MRPS28: variants seen among roughly 807,000 people sequenced by gnomAD.
The protein encoded by MRPS28 is small ribosomal subunit protein bS1m.
MRPS28 carries 7 observed loss-of-function variants against 10.8 expected under a neutral mutation model. The ratio of observed to expected loss-of-function variants is 0.65; its 90% CI spans 0.37 to 1.22. The LOEUF (loss-of-function observed/expected upper bound fraction) is 1.22. Ranked by LOEUF, MRPS28 falls within the 50% of genes most tolerant of loss-of-function variation. The pLI, the probability that MRPS28 is intolerant of heterozygous loss-of-function variation, is 0.02. For synonymous variants in MRPS28, 121 were observed against 93.3 expected, an observed-to-expected ratio of 1.30 and a Z score of -1.71; for missense variants, 265 against 232.9, an observed-to-expected ratio of 1.14 and a Z score of -0.90.
intron 2 of MRPS28, chr8:79,958,558 T>C: frequency 1.8e-6 from 1 of 568,666 alleles, no homozygotes; most frequent in African/African-American, 1.9e-5. Context: ...AGAAAGAGAG[T>C]CACTAATTGA....
chr8:79,997,518 G>C (rs1808532458), intron 2 of MRPS28, among the ~76,000 whole-genome samples: 1 of 151,392 alleles, frequency 6.6e-6, no homozygotes, highest in Admixed American at 6.6e-5. Context: ...TATAATTTTT[G>C]TTTCAATCTA....
chr8:80,018,573 T>C (rs146204444), intron 1 of MRPS28, among the ~76,000 whole-genome samples: 2 of 152,158 alleles, frequency 1.3e-5, no homozygotes, highest in Non-Finnish European at 2.9e-5. Flanking sequence ...AAAAACAGTT[T>C]GAAGTTCCAC....
intron 2 of MRPS28, among the ~76,000 whole-genome samples, chr8:79,936,916 A>T (rs1806618954): frequency 6.6e-6 from 1 of 152,128 alleles, no homozygotes; most frequent in Admixed American, 6.5e-5. Flanking sequence ...GCTGGGGTGC[A>T]GTGGTGCTAT....
At chr8:79,932,703 G>C (rs1418153598) in intron 2 of MRPS28, among the ~76,000 whole-genome samples, 4 of 152,196 alleles carry the variant, frequency 2.6e-5, no homozygotes, top group African/African-American at 7.2e-5. Context: ...TGGGCAGGGA[G>C]GGTGAAGTGC....
At chr8:80,001,224 A>G (rs1001655958) in intron 2 of MRPS28, among the ~76,000 whole-genome samples, 3 of 152,334 alleles carry the variant, frequency 2.0e-5, no homozygotes, top group East Asian at 3.9e-4. Flanking sequence ...TAGATGATCA[A>G]TTGTAAGGAG....
intron 2 of MRPS28, among the ~76,000 whole-genome samples, chr8:79,978,272 T>C (rs1389414053): frequency 6.6e-6 from 1 of 152,218 alleles, no homozygotes; most frequent in African/African-American, 2.4e-5. Flanking sequence ...TTAATGTTTT[T>C]TAATTCTTTT....
chr8:79,970,711 T>C (rs1334315442), intron 2 of MRPS28, among the ~76,000 whole-genome samples: 2 of 152,164 alleles, frequency 1.3e-5, no homozygotes, highest in Non-Finnish European at 2.9e-5. Context: ...CTACAGTGGG[T>C]GGCATGAAAC....
intron 2 of MRPS28, among the ~76,000 whole-genome samples, chr8:79,934,480 ATTCAAT>A (rs1806552739): frequency 6.6e-6 from 1 of 152,228 alleles, no homozygotes; most frequent in Admixed American, 6.5e-5. Flanking sequence ...ACTAAAAAAC[ATTCAAT>A]TTCAATCCTT....
chr8:80,006,230 T>C (rs1045434511), intron 1 of MRPS28, among the ~76,000 whole-genome samples: 3 of 152,160 alleles, frequency 2.0e-5, no homozygotes, highest in African/African-American at 7.2e-5. Context: ...ACCACGTAGT[T>C]GGAAGTAAAG....
chr8:79,937,860 C>T (rs1326578779), intron 2 of MRPS28, among the ~76,000 whole-genome samples: 2 of 152,144 alleles, frequency 1.3e-5, no homozygotes, highest in Non-Finnish European at 2.9e-5. Context: ...TTAAGTGACA[C>T]CAGCTCACTA....
At chr8:79,975,803 C>G (rs907519075) in intron 2 of MRPS28, among the ~76,000 whole-genome samples, 5 of 152,148 alleles carry the variant, frequency 3.3e-5, no homozygotes, top group African/African-American at 1.2e-4. Flanking sequence ...CCAACCTATC[C>G]AGTTCCTCCA....
At chr8:79,943,183 T>G (rs997058199) in intron 2 of MRPS28, among the ~76,000 whole-genome samples, 27 of 152,368 alleles carry the variant, frequency 1.8e-4, no homozygotes, top group African/African-American at 6.3e-4. Context: ...CTGCCTTGCC[T>G]GTCCTTACAG....
At chr8:79,952,308 A>G (rs1807099662) in intron 2 of MRPS28, among the ~76,000 whole-genome samples, 5 of 152,206 alleles carry the variant, frequency 3.3e-5, no homozygotes. Context: ...TATTAGAAAG[A>G]AAATGAAGTT....
At chr8:79,979,043 T>C (rs1807878319) in intron 2 of MRPS28, among the ~76,000 whole-genome samples, 1 of 152,220 alleles carries the variant, frequency 6.6e-6, no homozygotes, top group Non-Finnish European at 1.5e-5. Flanking sequence ...ACACATAACC[T>C]ATACTTTCAA....
chr8:79,996,458 T>C (rs1808503932), intron 2 of MRPS28, among the ~76,000 whole-genome samples: 1 of 152,238 alleles, frequency 6.6e-6, no homozygotes, highest in Admixed American at 6.5e-5. Flanking sequence ...CTCATAGTTC[T>C]AGAGGCTGGA....
intron 2 of MRPS28, among the ~76,000 whole-genome samples, chr8:79,982,692 G>C (rs1162510420): frequency 6.6e-6 from 1 of 152,218 alleles, no homozygotes; most frequent in Non-Finnish European, 1.5e-5. Context: ...CAAACTGCAA[G>C]GCGGCAGCGA....
At position 79,976,986 on chromosome 8, in the gene MRPS28, G is replaced by GT. The variant is rs200894381; in HGVS notation, c.395+26012dup. Among the ~76,000 whole-genome samples, 1,315 of 152,186 alleles carry GT rather than the reference G, an allele frequency of 8.6e-3. 26 individuals are homozygous for GT. Among genetic ancestry groups the GT allele is most frequent in the African/African-American group, 0.03 (1,252 of 41,514 alleles). On this transcript the variant is annotated intron_variant, in intron 2 of 2. Transcript: ENST00000276585. ...AGAGATGTTCCAGACTGTGTCATTT[G>GT]TAAGAGTGAAAAAGTAGTAACAACC...
chr8:80,013,634 C>CAAAAA (rs5892700), intron 1 of MRPS28, among the ~76,000 whole-genome samples: 304 of 74,872 alleles, frequency 4.1e-3, no homozygotes, highest in Middle Eastern at 8.9e-3. Context: ...GACTCCATCT[C>CAAAAA]AAAAAAAAAA....
Position 80,030,062 on chromosome 8 carries a change from G to C in MRPS28, c.187C>G (p.Leu63Val). Reference sequence around the variant, plus strand: ...TTCTGTAGGGGCTCCACCTTCTGTAGAAGCTCCGAGTGCCGCTCCAACGCG... The same window carrying C: ...TTCTGTAGGGGCTCCACCTTCTGTACAAGCTCCGAGTGCCGCTCCAACGCG... ...ASALERHSELLQKVEPLQKGS... is the reference protein window; with the variant it reads ...ASALERHSELVQKVEPLQKGS... Residue 63 changes from leucine to valine, a missense_variant, in exon 1 of 3, where the codon CTA becomes GTA. Transcript: ENST00000276585. The C allele has an allele frequency of 4.3e-6, 7 of 1,613,588 alleles. No homozygotes were observed. The highest frequency in any genetic ancestry group is 5.1e-6 in the Non-Finnish European group (6 of 1,179,760).
Sources: allele counts gnomAD v4.1 joint callset (sites outside exome capture counted in the v4.1 genomes callset), GRCh38; gene constraint gnomAD v4.1.1; transcripts MANE v1.5; gene names NCBI Gene and HGNC (gene_info 2026-07-23, HGNC 2026-07-21).